Variants in PFKFB3 observed in about 807,000 individuals in gnomAD.
PFKFB3 encodes 6-phosphofructo-2-kinase/fructose-2,6-bisphosphatase 3.
Under a neutral mutation model 68.0 loss-of-function variants are expected in PFKFB3, and 33 were observed. That is an observed-to-expected ratio of 0.49 (90% CI 0.37 to 0.65). The LOEUF is 0.65. Ranked by LOEUF, PFKFB3 falls within the 30% of genes least tolerant of loss-of-function variation. PFKFB3 has a pLI of 0.00. For missense variants in PFKFB3, 586 were observed against 712.2 expected (o/e 0.82, Z 2.02); for synonymous variants, 315 against 288.2 (o/e 1.09, Z -0.94).
downstream of PFKFB3, among the ~76,000 whole-genome samples, chr10:6,238,490 A>C (rs1181716437): frequency 2.8e-5 from 2 of 70,376 alleles, no homozygotes; most frequent in Non-Finnish European, 4.3e-5. Flanking sequence ...AAAAAAAAAA[A>C]AAAAAAAAAA....
chr10:6,145,797 C>A (rs1319120513), intron 1 of PFKFB3, among the ~76,000 whole-genome samples: 2 of 152,134 alleles, frequency 1.3e-5, no homozygotes, highest in African/African-American at 2.4e-5. Context: ...GGCTGCCCTC[C>A]GCCTTTTCCG....
the PFKFB3 span, among the ~76,000 whole-genome samples, chr10:6,301,433 A>G: frequency 1.3e-5 from 2 of 152,178 alleles, no homozygotes; most frequent in Non-Finnish European, 1.5e-5. Flanking sequence ...ATCCTTAAAA[A>G]CTGTTGAGCA....
At chr10:6,155,225 C>G (rs920825479) in intron 1 of PFKFB3, among the ~76,000 whole-genome samples, 3 of 68,174 alleles carry the variant, frequency 4.4e-5, no homozygotes, top group African/African-American at 9.7e-5. Context: ...TTTTTTGAGA[C>G]GGAGTCCCGC....
intron 1 of PFKFB3, among the ~76,000 whole-genome samples, chr10:6,204,412 C>T (rs1843553967): frequency 6.6e-6 from 1 of 152,222 alleles, no homozygotes; most frequent in South Asian, 2.1e-4. Context: ...GCAGGGTTGC[C>T]CGGCTACTAC....
the PFKFB3 span, among the ~76,000 whole-genome samples, chr10:6,303,371 C>T: frequency 6.6e-6 from 1 of 152,250 alleles, no homozygotes; most frequent in East Asian, 1.9e-4. Context: ...AATGTAGCAA[C>T]ATCCTACCAT....
chr10:6,195,219 A>G (rs1433666361), intron 1 of PFKFB3, among the ~76,000 whole-genome samples: 2 of 152,182 alleles, frequency 1.3e-5, no homozygotes, highest in Non-Finnish European at 2.9e-5. Context: ...TGTCAGGGTC[A>G]TAGAAGACCC....
intron 1 of PFKFB3, among the ~76,000 whole-genome samples, chr10:6,147,834 G>T (rs1238131839): frequency 2.6e-5 from 4 of 151,752 alleles, no homozygotes; most frequent in Non-Finnish European, 5.9e-5. Context: ...GTCCATACAG[G>T]GGAGCCTGAC....
intron 1 of PFKFB3, among the ~76,000 whole-genome samples, chr10:6,172,807 A>C (rs1842352473): frequency 6.6e-6 from 1 of 150,662 alleles, no homozygotes; most frequent in Non-Finnish European, 1.5e-5. Context: ...GGGCCACAGA[A>C]CAAGACTTCA....
chr10:6,153,460 G>A (rs1350641422), intron 1 of PFKFB3, among the ~76,000 whole-genome samples: 1 of 152,176 alleles, frequency 6.6e-6, no homozygotes, highest in Non-Finnish European at 1.5e-5. Flanking sequence ...TGCTTTGAGT[G>A]GCTGGTAGGA....
chr10:6,272,527 T>C, the PFKFB3 span, among the ~76,000 whole-genome samples: 8 of 152,168 alleles, frequency 5.3e-5, no homozygotes, highest in East Asian at 1.2e-3. Context: ...ACCCCGTCTC[T>C]ACTAAAAATA....
At position 6,248,813 on chromosome 10, in the gene PFKFB3, A is replaced by G. The variant is rs541668271; in HGVS notation, c.1516-5365A>G. Among the ~76,000 whole-genome samples the G allele has an allele frequency of 4.6e-5, 7 of 152,322 alleles. No individual in the cohort carries two copies. In the South Asian group the frequency reaches 1.4e-3, roughly 32 times the overall value. On this transcript the variant is annotated intron_variant, in intron 14 of 14. Transcript: ENST00000640683. Reference sequence around the variant, plus strand: ...AAAACCACAATGAGATTTTTAGTTCACACCTGTCAAAATGGCTATTGTCAA... The same window carrying G: ...AAAACCACAATGAGATTTTTAGTTCGCACCTGTCAAAATGGCTATTGTCAA...
chr10:6,177,446 T>TCCTTTCTTTTCTTTC (rs1842544871), intron 1 of PFKFB3, among the ~76,000 whole-genome samples: 21 of 121,270 alleles, frequency 1.7e-4, no homozygotes, highest in Non-Finnish European at 1.8e-4. Flanking sequence ...TTCTCTTTCT[T>TCCTTTCTTTTCTTTC]TCTTTCTTTC....
chr10:6,228,064 C>T lies in PFKFB3; in HGVS notation c.1515+1699C>T. On this transcript the variant is annotated intron_variant, in intron 14 of 14. Transcript: ENST00000379775. This position sits in a 1 kb window ranked among gnomAD's most constrained non-coding sequence, Gnocchi z 4.5. Reference sequence around the variant, plus strand: ...CTGCCCCTGGCGTTGGGAGGACAGTCCTTCAGGGTGGCCAGGTTCTTAGGG... The same window carrying T: ...CTGCCCCTGGCGTTGGGAGGACAGTTCTTCAGGGTGGCCAGGTTCTTAGGG... 1.1e-6 allele frequency: 1 copy of T among 896,316 alleles called. No individual in the cohort carries two copies. The highest frequency in any genetic ancestry group is 1.8e-6 in the Non-Finnish European group (1 of 548,094). 55.5% of individuals were successfully genotyped at this position (896,316 alleles called of 1,614,324 possible). A position where few individuals can be genotyped will look rare whatever the true frequency, so the allele number is the denominator to read the frequency against.
At chr10:6,193,471 C>T (rs966821486) in intron 1 of PFKFB3, among the ~76,000 whole-genome samples, 8 of 152,348 alleles carry the variant, frequency 5.3e-5, no homozygotes, top group Admixed American at 3.3e-4. Flanking sequence ...TTCTCCATGT[C>T]GGACACTGTG....
downstream of PFKFB3, among the ~76,000 whole-genome samples, chr10:6,259,582 TCATC>T (rs111915905): frequency 0.018 from 2,405 of 134,854 alleles, 53 homozygotes; most frequent in African/African-American, 0.045. Flanking sequence ...ATCCATCCAC[TCATC>T]CATCCATCCA....
At chr10:6,326,239 C>A in the PFKFB3 span, among the ~76,000 whole-genome samples, 1 of 152,084 alleles carries the variant, frequency 6.6e-6, no homozygotes, top group Admixed American at 6.5e-5. Flanking sequence ...AAAATGAGAA[C>A]CCGTGGACAC....
chr10:6,187,398 A>C (rs892526643), intron 1 of PFKFB3, among the ~76,000 whole-genome samples: 17 of 152,064 alleles, frequency 1.1e-4, no homozygotes, highest in African/African-American at 4.1e-4. Context: ...TTTTTGTCCT[A>C]TCTCACTTCG....
chr10:6,146,044 T>G (rs1253937416), intron 1 of PFKFB3, among the ~76,000 whole-genome samples: 8 of 152,106 alleles, frequency 5.3e-5, no homozygotes, highest in Admixed American at 2.0e-4. Flanking sequence ...CTGTTTGGGT[T>G]GGGAGGGGTT....
At chr10:6,232,856 C>T (rs1409503097) in intron 14 of PFKFB3, 39 bp from the exon 15 acceptor site, 5 of 1,565,762 alleles carry the variant, frequency 3.2e-6, no homozygotes, top group Non-Finnish European at 4.4e-6. Context: ...AGCTACAAAT[C>T]CTAACTCCCT....
Sources: allele counts gnomAD v4.1 joint callset (sites outside exome capture counted in the v4.1 genomes callset), GRCh38; gene constraint gnomAD v4.1.1; non-coding constraint Gnocchi (gnomAD v3.1); transcripts MANE v1.5; gene names NCBI Gene and HGNC (gene_info 2026-07-23, HGNC 2026-07-21).